Variants in ITK observed in about 807,000 individuals in gnomAD.
ITK encodes the protein IL2 inducible T cell kinase.
In ITK, 45 loss-of-function variants were observed where a neutral mutation model predicts 87.6. The ratio of observed to expected loss-of-function variants is 0.51; its 90% confidence interval spans 0.40 to 0.66. The LOEUF is 0.66. Ranked by LOEUF, ITK falls within the 30% of genes least tolerant of loss-of-function variation. The pLI, the probability that ITK is intolerant of heterozygous loss-of-function variation, is 0.00. For synonymous variants in ITK, 303 were observed against 273.6 expected, an observed-to-expected ratio of 1.11 and a Z score of -1.06; for missense variants, 605 against 766.3, an observed-to-expected ratio of 0.79 and a Z score of 2.48.
At chr5:157,208,084 G>A (rs1247236771) in intron 1 of ITK, among the ~76,000 whole-genome samples, 1 of 152,162 alleles carries the variant, frequency 6.6e-6, no homozygotes, top group African/African-American at 2.4e-5. Flanking sequence ...CCTGTGAGAG[G>A]CTTCTTCCAT....
intron 6 of ITK, among the ~76,000 whole-genome samples, chr5:157,223,762 A>G (rs531389808): frequency 5.3e-5 from 8 of 152,204 alleles, no homozygotes; most frequent in Non-Finnish European, 1.2e-4. Flanking sequence ...GTTATCTCCA[A>G]TATTTTGCAA....
rs745939200 is a variant in ITK, at chr5:157,249,007, G to A, written c.1791G>A (p.Glu597=). 6.2e-7 allele frequency: 1 copy of A among 1,613,604 alleles called. No homozygotes were observed. The highest frequency in any genetic ancestry group is 1.1e-5 in the South Asian group (1 of 91,058). Residue 597 remains glutamate, a splice_region_variant and synonymous_variant, in exon 16 of 17, where the codon GAG becomes GAA. Transcript: ENST00000422843. ...AGATTATGAATCACTGCTGGAAAGA[G>A]GTCAGTGGAGGAAGTGCTTCCCCAT... ...VYQIMNHCWK[E]RPEDRPAFSR...
chr5:157,185,339 A>G (rs1234863382), intron 1 of ITK, among the ~76,000 whole-genome samples: 2 of 151,732 alleles, frequency 1.3e-5, no homozygotes, highest in Non-Finnish European at 2.9e-5. Flanking sequence ...CCCAGGTTCA[A>G]GTGATTCCTC....
At chr5:157,192,203 C>A (rs909472243) in intron 1 of ITK, among the ~76,000 whole-genome samples, 1 of 152,234 alleles carries the variant, frequency 6.6e-6, no homozygotes, top group South Asian at 2.1e-4. Context: ...TGTAGATGAA[C>A]CCACCACCTG....
Position 157,253,303 on chromosome 5 carries a change from A to G in ITK, c.*625A>G. 1 of 241,930 alleles carries G rather than the reference A, an allele frequency of 4.1e-6. No individual in the cohort carries two copies. Among genetic ancestry groups the G allele is most frequent in the Non-Finnish European group, 8.2e-6 (1 of 121,488 alleles). The allele number at this position is 241,930 out of a possible 1,614,324, so 15.0% of individuals were successfully genotyped here. A position where few individuals can be genotyped will look rare whatever the true frequency, so the allele number is the denominator to read the frequency against. On this transcript the variant is annotated 3_prime_UTR_variant, in exon 17 of 17. Transcript: ENST00000422843. ...GAGAAGCAGCTTTATGAGGTTTTAC[A>G]GAGTATGCTGCTACCTCTCTCCTTG...
intron 3 of ITK, among the ~76,000 whole-genome samples, chr5:157,213,144 G>T (rs1754225117): frequency 6.6e-6 from 1 of 152,162 alleles, no homozygotes; most frequent in East Asian, 1.9e-4. Flanking sequence ...TACAATCATG[G>T]TGGAAGGTGA....
intron 6 of ITK, among the ~76,000 whole-genome samples, chr5:157,225,141 C>A (rs543895688): frequency 5.3e-5 from 8 of 152,122 alleles, no homozygotes; most frequent in African/African-American, 1.9e-4. Flanking sequence ...ACTATAGGCA[C>A]GCACCACCAT....
intron 1 of ITK, among the ~76,000 whole-genome samples, chr5:157,192,979 G>T (rs537967795): frequency 6.6e-6 from 1 of 152,254 alleles, no homozygotes; most frequent in South Asian, 2.1e-4. Context: ...ACTTTGAGAG[G>T]TTGGCATTAC....
At chr5:157,244,628 C>T (rs1754985494) in intron 13 of ITK, 150 bp downstream of exon 13, 1 of 691,650 alleles carries the variant, frequency 1.4e-6, no homozygotes, top group Non-Finnish European at 2.6e-6. Flanking sequence ...TTGGGTGGTC[C>T]TAGTGGAAAG....
chr5:157,218,329 A>AC, intron 5 of ITK, among the ~76,000 whole-genome samples: 1 of 151,494 alleles, frequency 6.6e-6, no homozygotes, highest in South Asian at 2.1e-4. Flanking sequence ...ACAAAGTGAG[A>AC]CCCCCATCTC....
intron 7 of ITK, among the ~76,000 whole-genome samples, chr5:157,229,463 G>GCACA (rs1580898239): frequency 6.6e-6 from 1 of 152,096 alleles, no homozygotes; most frequent in East Asian, 1.9e-4. Context: ...CTCAAAAAAT[G>GCACA]CACAACATAA....
In ITK at chr5:157,252,701, G is replaced by A. The variant is rs748419759; in HGVS notation, c.*23G>A. The A allele has an allele frequency of 4.4e-5, 68 of 1,552,610 alleles. No homozygotes were observed. Among genetic ancestry groups the A allele is most frequent in the African/African-American group, 4.2e-4 (31 of 73,786 alleles). On this transcript the variant is annotated 3_prime_UTR_variant, in exon 17 of 17. Transcript: ENST00000422843. ...TAGTAGAGACTGAGTACCAGGCCAC[G>A]GGCTGCAGATCCTGAATGGAGGAAG...
At chr5:157,227,956 G>A (rs148273494) in intron 6 of ITK, among the ~76,000 whole-genome samples, 247 of 147,448 alleles carry the variant, frequency 1.7e-3, no homozygotes, top group African/African-American at 5.9e-3. Flanking sequence ...TCAGCCTCCC[G>A]AGTAGCTGGG....
chr5:157,192,766 TCAA>T (rs1753777758), intron 1 of ITK, among the ~76,000 whole-genome samples: 2 of 152,222 alleles, frequency 1.3e-5, no homozygotes, highest in Non-Finnish European at 2.9e-5. Context: ...CTTTCAGGGA[TCAA>T]CAAGTTATCT....
chr5:157,254,655 C>G lies in ITK; in HGVS notation c.*1977C>G. 1 of 217,666 alleles carries G rather than the reference C, an allele frequency of 4.6e-6. No individual in the cohort carries two copies. Among genetic ancestry groups the G allele is most frequent in the Non-Finnish European group, 9.2e-6 (1 of 108,314 alleles). 13.5% of individuals were successfully genotyped at this position (217,666 alleles called of 1,614,324 possible). A position where few individuals can be genotyped will look rare whatever the true frequency, so the allele number is the denominator to read the frequency against. On this transcript the variant is annotated 3_prime_UTR_variant, in exon 17 of 17. Coordinates refer to ENST00000422843, the MANE Select transcript of ITK (RefSeq NM_005546.4). ...CAGAAGATGATTTTACTCAGCTTAT[C>G]CAAAATTATCTCTGTTTACTTTTTA...
Position 157,183,990 on chromosome 5 carries a change from C to T in ITK, c.138+2875C>T, listed in dbSNP as rs541176442. ...TTAACATGGTTTTAGTTCTGGTGTT[C>T]GATGCCTGTTTTTCCTGTTGAGATG... On this transcript the variant is annotated intron_variant, in intron 1 of 16. Coordinates refer to ENST00000422843, the MANE Select transcript of ITK (RefSeq NM_005546.4). Among the ~76,000 whole-genome samples, 48 of 152,206 alleles carry T rather than the reference C, an allele frequency of 3.2e-4. No homozygotes were observed. The South Asian group carries it at 7.1e-3, about 22-fold the overall frequency.
At chr5:157,211,635 C>A in intron 3 of ITK, 1 of 474,902 alleles carries the variant, frequency 2.1e-6, no homozygotes, top group South Asian at 2.2e-5. Context: ...TAATAAGTAC[C>A]TACATAAGAT....
chr5:157,207,530 G>GCCA (rs1208563785), intron 1 of ITK, among the ~76,000 whole-genome samples: 1 of 151,568 alleles, frequency 6.6e-6, no homozygotes, highest in Non-Finnish European at 1.5e-5. Context: ...ATAGGCGCCC[G>GCCA]CCACCACACC....
At chr5:157,213,580 C>T in intron 3 of ITK, 1 of 454,576 alleles carries the variant, frequency 2.2e-6, no homozygotes, top group South Asian at 1.6e-5. Context: ...AGGGGTCTCG[C>T]TATGTTGCCT....
Sources: gnomAD v4.1 joint callset for allele counts (sites outside exome capture counted in the v4.1 genomes callset) on GRCh38, gnomAD v4.1.1 for gene constraint, MANE v1.5 for transcripts, NCBI Gene and HGNC (gene_info 2026-07-23, HGNC 2026-07-21) for gene names.